ARHGAP15: variants seen among roughly 807,000 people sequenced by gnomAD.
The protein encoded by ARHGAP15 is Rho GTPase activating protein 15.
In ARHGAP15, 51 loss-of-function variants were observed where a neutral mutation model predicts 63.7. The observed-to-expected ratio is 0.80, with a 90% CI of 0.64 to 1.01. The LOEUF (loss-of-function observed/expected upper bound fraction) is 1.01. Ranked by LOEUF, ARHGAP15 falls within the 50% of genes least tolerant of loss-of-function variation. The pLI, the probability that ARHGAP15 is intolerant of heterozygous loss-of-function variation, is 0.00. For missense variants in ARHGAP15, 560 were observed against 564.6 expected, an observed-to-expected ratio of 0.99 and a Z score of 0.08; for synonymous variants, 191 against 193.8, an observed-to-expected ratio of 0.99 and a Z score of 0.12.
intron 1 of ARHGAP15, among the ~76,000 whole-genome samples, chr2:143,152,194 AG>A (rs2105003378): frequency 6.6e-6 from 1 of 152,068 alleles, no homozygotes; most frequent in Non-Finnish European, 1.5e-5. Flanking sequence ...CCCCACAGAG[AG>A]GTCAAATGCT....
chr2:143,155,669 C>G lies in ARHGAP15; in HGVS notation c.165+14C>G, dbSNP rs776601884. 1.3e-6 allele frequency: 2 copies of G among 1,533,476 alleles called. No individual in the cohort carries two copies. The highest frequency in any genetic ancestry group is 1.7e-6 in the Non-Finnish European group (2 of 1,145,722). The allele number at this position is 1,533,476 out of a possible 1,614,324, so 95.0% of individuals were successfully genotyped here. A position where few individuals can be genotyped will look rare whatever the true frequency, so the allele number is the denominator to read the frequency against. On this transcript the variant is annotated intron_variant, in intron 2 of 13. Transcript: ENST00000295095. ...GTCACTGAACCTGTAAGTCAAATACCCCAAATATCCCAAGTTCCTTGTCAT... is the reference window on the plus strand; with the variant it reads ...GTCACTGAACCTGTAAGTCAAATACGCCAAATATCCCAAGTTCCTTGTCAT...
chr2:143,699,024 T>C (rs1683970133), intron 12 of ARHGAP15, among the ~76,000 whole-genome samples: 1 of 152,212 alleles, frequency 6.6e-6, no homozygotes, highest in African/African-American at 2.4e-5. Context: ...TTGAAGACAG[T>C]TGACACATCT....
At chr2:143,608,855 G>T (rs1698148717) in intron 11 of ARHGAP15, 1 of 152,136 alleles carries the variant, frequency 6.6e-6, no homozygotes, top group South Asian at 2.1e-4. Context: ...CTTATATTAT[G>T]ATGTTTCAGG....
chr2:143,383,370 G>A (rs1461983023), intron 6 of ARHGAP15, among the ~76,000 whole-genome samples: 1 of 152,088 alleles, frequency 6.6e-6, no homozygotes, highest in East Asian at 1.9e-4. Flanking sequence ...ACTTTTATTT[G>A]AATGTATCTT....
chr2:143,225,890 C>T (rs908365469), intron 4 of ARHGAP15, among the ~76,000 whole-genome samples: 2 of 152,072 alleles, frequency 1.3e-5, no homozygotes, highest in East Asian at 1.9e-4. Context: ...GGGAAAAAAT[C>T]GAGATGAAAG....
chr2:143,390,568 T>C (rs1340634926), intron 6 of ARHGAP15, among the ~76,000 whole-genome samples: 1 of 152,036 alleles, frequency 6.6e-6, no homozygotes. Context: ...TTTGAATAAA[T>C]TCATGGAGCA....
chr2:143,187,068 A>G (rs764645527), intron 2 of ARHGAP15, among the ~76,000 whole-genome samples: 6 of 152,146 alleles, frequency 3.9e-5, no homozygotes, highest in Non-Finnish European at 7.4e-5. Flanking sequence ...CTCACCCGCT[A>G]ATAACAGCCA....
In ARHGAP15 at chr2:143,442,760, T is replaced by A. The variant is rs865910621; in HGVS notation, c.703+5718T>A. Among the ~76,000 whole-genome samples the A allele has an allele frequency of 2.0e-3, 306 of 152,302 alleles. 2 individuals carry two copies. Among genetic ancestry groups the A allele is most frequent in the African/African-American group, 7.2e-3 (300 of 41,572 alleles). On this transcript the variant is annotated intron_variant, in intron 8 of 13. Transcript: ENST00000295095. ...GATCATGATCCTATTGTTTCATTTT[T>A]TTTTGTATGTTTGAAAAGTTCTCCA... is the stretch of plus-strand genomic sequence containing the variant.
At chr2:143,593,895 C>T (rs368454266) in intron 11 of ARHGAP15, among the ~76,000 whole-genome samples, 8 of 152,182 alleles carry the variant, frequency 5.3e-5, no homozygotes, top group South Asian at 2.1e-4. Context: ...TTCACATACA[C>T]GTTACAAAAA....
intron 2 of ARHGAP15, among the ~76,000 whole-genome samples, chr2:143,201,043 T>C (rs1466921891): frequency 6.6e-6 from 1 of 152,106 alleles, no homozygotes; most frequent in African/African-American, 2.4e-5. Flanking sequence ...TGAGTTCTCT[T>C]CTGGGACGTT....
chr2:143,693,498 A>G (rs2105399329), intron 12 of ARHGAP15, among the ~76,000 whole-genome samples: 1 of 152,356 alleles, frequency 6.6e-6, no homozygotes, highest in South Asian at 2.1e-4. Context: ...AGAAGAAAAT[A>G]TATAAATATC....
chr2:143,615,363 T>C (rs1215441621), intron 11 of ARHGAP15, among the ~76,000 whole-genome samples: 2 of 152,146 alleles, frequency 1.3e-5, no homozygotes, highest in African/African-American at 2.4e-5. Flanking sequence ...CCCAAATCCA[T>C]ATCCTTTTCA....
intron 11 of ARHGAP15, among the ~76,000 whole-genome samples, chr2:143,589,075 C>T (rs1204977550): frequency 6.6e-6 from 1 of 152,182 alleles, no homozygotes; most frequent in Non-Finnish European, 1.5e-5. Context: ...ACTACTCCCT[C>T]AGAAAACTTG....
At chr2:143,567,819 C>CGTT (rs1696291146) in intron 11 of ARHGAP15, among the ~76,000 whole-genome samples, 1 of 152,142 alleles carries the variant, frequency 6.6e-6, no homozygotes, top group African/African-American at 2.4e-5. Flanking sequence ...CCAGAGAACA[C>CGTT]CTCTGGCTCA....
intron 1 of ARHGAP15, among the ~76,000 whole-genome samples, chr2:143,142,734 C>A (rs569544716): frequency 2.1e-4 from 32 of 152,104 alleles, no homozygotes; most frequent in African/African-American, 7.0e-4. Flanking sequence ...CACACACACA[C>A]AAAAACACAC....
intron 1 of ARHGAP15, among the ~76,000 whole-genome samples, chr2:143,136,954 G>T (rs114055834): frequency 2.6e-5 from 4 of 151,952 alleles, no homozygotes; most frequent in Non-Finnish European, 5.9e-5. Flanking sequence ...TGCTGTTATT[G>T]CAGAATTCTC....
chr2:143,640,328 A>C (rs902766026), intron 12 of ARHGAP15, among the ~76,000 whole-genome samples: 2 of 152,096 alleles, frequency 1.3e-5, no homozygotes, highest in Non-Finnish European at 2.9e-5. Flanking sequence ...TGAATGGCAG[A>C]GATGGAAACA....
intron 8 of ARHGAP15, among the ~76,000 whole-genome samples, chr2:143,461,083 AG>A (rs1690910174): frequency 6.6e-6 from 1 of 152,038 alleles, no homozygotes. Context: ...TCGGGTCAGG[AG>A]TTTGAGACCA....
intron 11 of ARHGAP15, among the ~76,000 whole-genome samples, chr2:143,587,066 A>G (rs2105159191): frequency 6.6e-6 from 1 of 152,202 alleles, no homozygotes; most frequent in Admixed American, 6.5e-5. Flanking sequence ...CAATAAAATG[A>G]TTTTGCCTTC....
Sources: allele counts gnomAD v4.1 joint callset (sites outside exome capture counted in the v4.1 genomes callset), GRCh38; gene constraint gnomAD v4.1.1; transcripts MANE v1.5; gene names NCBI Gene and HGNC (gene_info 2026-07-23, HGNC 2026-07-21).